CACNB2: variants seen among roughly 807,000 people sequenced by gnomAD.
CACNB2 encodes the protein calcium voltage-gated channel auxiliary subunit beta 2.
In CACNB2, 42 loss-of-function variants were observed where a neutral mutation model predicts 73.3. That is an observed-to-expected ratio of 0.57 (90% CI 0.45 to 0.74). The LOEUF (loss-of-function observed/expected upper bound fraction) is 0.74, where lower values mean the gene tolerates loss of function less well. CACNB2 is among the 30% of genes least tolerant of loss of function. CACNB2 has a pLI of 0.00. For synonymous variants in CACNB2, 348 were observed against 310.3 expected, an observed-to-expected ratio of 1.12 and a Z score of -1.28; for missense variants, 940 against 853.0, an observed-to-expected ratio of 1.10 and a Z score of -1.27.
intron 3 of CACNB2, among the ~76,000 whole-genome samples, chr10:18,435,574 C>T (rs1295544227): frequency 4.6e-5 from 7 of 152,144 alleles, no homozygotes; most frequent in African/African-American, 1.2e-4. Flanking sequence ...ACATAGCTCA[C>T]TGCAGCCTCG....
chr10:18,185,481 G>T lies in CACNB2; in HGVS notation c.213+34506G>T, dbSNP rs145282667. On this transcript the variant is annotated intron_variant, in intron 2 of 13. Transcript: ENST00000324631. ...GCATTTTGGCAAAAGCAAACTTGAA[G>T]GTCATCTTGGATTTGCTGTTGCCCT... Among the ~76,000 whole-genome samples, 18 of 152,254 alleles carry T rather than the reference G, an allele frequency of 1.2e-4. No individual in the cohort carries two copies. In the East Asian group the frequency reaches 2.9e-3, roughly 25 times the overall value.
intron 9 of CACNB2, among the ~76,000 whole-genome samples, chr10:18,520,559 C>T (rs764575524): frequency 4.6e-5 from 7 of 152,174 alleles, no homozygotes; most frequent in Non-Finnish European, 7.3e-5. Flanking sequence ...GTGCCCACCA[C>T]TCCTTTACTC....
At chr10:18,514,623 C>A in intron 7 of CACNB2, 1 of 1,449,212 alleles carries the variant, frequency 6.9e-7, no homozygotes, top group Non-Finnish European at 9.7e-7. Context: ...CATTTCTGTC[C>A]CAAGCAAAGA....
At chr10:18,257,633 T>C (rs961968360) in intron 2 of CACNB2, among the ~76,000 whole-genome samples, 1 of 152,202 alleles carries the variant, frequency 6.6e-6, no homozygotes, top group Non-Finnish European at 1.5e-5. Flanking sequence ...ATTCCGTCCA[T>C]TCTGCAAGGC....
chr10:18,254,143 T>C (rs2037190696), intron 2 of CACNB2, among the ~76,000 whole-genome samples: 1 of 152,184 alleles, frequency 6.6e-6, no homozygotes, highest in South Asian at 2.1e-4. Context: ...TTGAGAAGTG[T>C]TGCTGTGTGG....
chr10:18,523,245 A>G (rs1292191187), intron 9 of CACNB2, among the ~76,000 whole-genome samples: 12 of 152,194 alleles, frequency 7.9e-5, no homozygotes, highest in Non-Finnish European at 1.5e-4. Context: ...TTCTGCTAAC[A>G]AAGGCACTGT....
At chr10:18,219,832 C>G (rs1414625562) in intron 2 of CACNB2, among the ~76,000 whole-genome samples, 1 of 150,516 alleles carries the variant, frequency 6.6e-6, no homozygotes, top group African/African-American at 2.4e-5. Context: ...TGCTGAGGCA[C>G]AGTCTCAGCT....
intron 2 of CACNB2, among the ~76,000 whole-genome samples, chr10:18,186,230 A>G (rs954948790): frequency 2.7e-4 from 41 of 151,724 alleles, no homozygotes; most frequent in African/African-American, 8.7e-4. Flanking sequence ...GACCAGCCTG[A>G]CCAACATGGA....
rs71402148 is a variant in CACNB2, at chr10:18,150,855, CTTTTTT to C, written c.121-8_121-3del. 9.9e-4 allele frequency: 479 copies of C among 484,270 alleles called. 2 individuals are homozygous for C. Among genetic ancestry groups the C allele is most frequent in the African/African-American group, 3.0e-3 (67 of 22,362 alleles). The allele number at this position is 484,270 out of a possible 1,614,324, so 30.0% of individuals were successfully genotyped here. On this transcript the variant is annotated intron_variant, in intron 1 of 13. Coordinates refer to ENST00000324631, the MANE Select transcript of CACNB2 (RefSeq NM_201596.3). ...AGGGTCTCATAATAATCTTATTTGTCTTTTTTTTTTTTTTTTTTTTTTTTTAGTCAT... is the reference window on the plus strand; with the variant it reads ...AGGGTCTCATAATAATCTTATTTGTCTTTTTTTTTTTTTTTTTTTAGTCAT...
intron 2 of CACNB2, among the ~76,000 whole-genome samples, chr10:18,382,029 G>T (rs1017102621): frequency 1.3e-5 from 2 of 151,966 alleles, no homozygotes; most frequent in Non-Finnish European, 2.9e-5. Flanking sequence ...AGACTTTTAT[G>T]TATTTTTATA....
chr10:18,536,243 C>CTTTTCTTTTTTTTTTTT lies in CACNB2; in HGVS notation c.1302+51_1302+52insCTTTTTTTTTTTTTTTT, dbSNP rs1327787339. 1.9e-4 allele frequency: 55 copies of CTTTTCTTTTTTTTTTTT among 283,102 alleles called. 3 individuals are homozygous for CTTTTCTTTTTTTTTTTT. Among genetic ancestry groups the CTTTTCTTTTTTTTTTTT allele is most frequent in the African/African-American group, 4.5e-4 (7 of 15,410 alleles). 17.5% of individuals were successfully genotyped at this position (283,102 alleles called of 1,614,324 possible). ...CATAATCCAGTTACAGAGATCAGAC[C>CTTTTCTTTTTTTTTTTT]TTTTTTTTTTTTTTTTTTTTTTTTT... is the stretch of plus-strand genomic sequence containing the variant. On this transcript the variant is annotated intron_variant, in intron 12 of 13. Transcript: ENST00000324631.
chr10:18,284,547 G>A (rs2038702100), intron 2 of CACNB2, among the ~76,000 whole-genome samples: 1 of 152,154 alleles, frequency 6.6e-6, no homozygotes, highest in Non-Finnish European at 1.5e-5. Flanking sequence ...GCACTTAAAG[G>A]AGAATGCTGA....
At chr10:18,323,503 G>GT (rs1015727750) in intron 2 of CACNB2, among the ~76,000 whole-genome samples, 6 of 151,854 alleles carry the variant, frequency 4.0e-5, no homozygotes, top group African/African-American at 9.7e-5. Flanking sequence ...CATTTAGTCT[G>GT]TTTTTTAATT....
chr10:18,357,579 A>G (rs2041973826), intron 2 of CACNB2, among the ~76,000 whole-genome samples: 1 of 152,202 alleles, frequency 6.6e-6, no homozygotes. Flanking sequence ...TCTTTCATTG[A>G]TTGTCACAGT....
chr10:18,461,764 C>CTTTTTTTTT (rs35385599), intron 3 of CACNB2, among the ~76,000 whole-genome samples: 2 of 68,018 alleles, frequency 2.9e-5, no homozygotes, highest in Non-Finnish European at 5.1e-5. Flanking sequence ...TTCGATAAAG[C>CTTTTTTTTT]TTTTTTTTTT....
chr10:18,539,653 G>T lies in CACNB2; in HGVS notation c.1912G>T (p.Asp638Tyr), dbSNP rs142735478. The change falls in exon 14 of 14, where the codon GAT becomes TAT. Residue 638 changes from aspartate (D) to tyrosine (Y), a missense_variant. Physicochemically the swap from Asp to Tyr is radical, Grantham distance 160. Coordinates refer to ENST00000324631, the MANE Select transcript of CACNB2 (RefSeq NM_201596.3). ...ATCCAAGGATCGCTACTGTGAAAAG[G>T]ATGGAGAAGTGATATCAAAAAAACG... The part of the protein sequence containing the change: ...HKSKDRYCEK[D>Y]GEVISKKRNE... 1.2e-5 allele frequency: 20 copies of T among 1,613,248 alleles called. No homozygotes were observed. The highest frequency in any genetic ancestry group is 1.7e-5 in the Non-Finnish European group (20 of 1,179,916).
chr10:18,518,207 A>T, intron 7 of CACNB2, 129 bp from the exon 8 acceptor site: 4 of 751,234 alleles, frequency 5.3e-6, no homozygotes, highest in Non-Finnish European at 7.3e-6. Flanking sequence ...AAAAGAGGCA[A>T]GTGGGGAAAA....
intron 2 of CACNB2, among the ~76,000 whole-genome samples, chr10:18,254,352 T>C (rs1410603771): frequency 1.3e-5 from 2 of 152,212 alleles, no homozygotes; most frequent in African/African-American, 4.8e-5. Context: ...CAAAATATGT[T>C]TTAAATTTAT....
Position 18,399,187 on chromosome 10 carries a change from C to T in CACNB2, c.214-2737C>T, listed in dbSNP as rs887334672. Reference sequence around the variant, plus strand: ...ACTGGTGACAGTGGGGACAGGGGCCCCTTATGGGGTATAATTATGCTTCCT... The same window carrying T: ...ACTGGTGACAGTGGGGACAGGGGCCTCTTATGGGGTATAATTATGCTTCCT... On this transcript the variant is annotated intron_variant, in intron 2 of 13. Transcript: ENST00000324631. Among the ~76,000 whole-genome samples, 7 of 152,088 alleles carry T rather than the reference C, an allele frequency of 4.6e-5. No individual in the cohort carries two copies. In the East Asian group the frequency reaches 1.4e-3, roughly 29 times the overall value.
Sources: allele counts gnomAD v4.1 joint callset (sites outside exome capture counted in the v4.1 genomes callset), GRCh38; gene constraint gnomAD v4.1.1; transcripts MANE v1.5; gene names NCBI Gene and HGNC (gene_info 2026-07-23, HGNC 2026-07-21).